PDE4B: variants seen among roughly 807,000 people sequenced by gnomAD.
PDE4B encodes the protein 3',5'-cyclic-AMP phosphodiesterase 4B.
PDE4B carries 20 observed loss-of-function variants against 82.2 expected under a neutral mutation model. The ratio of observed to expected loss-of-function variants is 0.24; its 90% CI spans 0.17 to 0.35. The LOEUF (loss-of-function observed/expected upper bound fraction) is 0.35. Among genes scored for constraint, PDE4B ranks in the 10% least tolerant of loss-of-function variants. The pLI is 1.00. For synonymous variants in PDE4B, 320 were observed against 318.9 expected, an observed-to-expected ratio of 1.00 and a Z score of -0.04; for missense variants, 655 against 907.2, an observed-to-expected ratio of 0.72 and a Z score of 3.57.
At chr1:66,186,735 T>G (rs1383921020) in intron 3 of PDE4B, among the ~76,000 whole-genome samples, 1 of 152,236 alleles carries the variant, frequency 6.6e-6, no homozygotes, top group Admixed American at 6.5e-5. Flanking sequence ...GATTTTGGGC[T>G]GAGACCATGG....
At chr1:66,026,504 G>A (rs2503219) in intron 3 of PDE4B, among the ~76,000 whole-genome samples, 149,374 of 152,308 alleles carry the variant, frequency 0.98, 73,303 homozygotes, top group Middle Eastern at 1. Flanking sequence ...TAACAGGACA[G>A]AAGCATTTAA....
rs189314459 is a variant in PDE4B at position 66,239,313 on chromosome 1, C to T, written c.282-8147C>T. On this transcript the variant is annotated intron_variant, in intron 3 of 16. Coordinates refer to ENST00000341517, the MANE Select transcript of PDE4B (RefSeq NM_002600.4). ...GGCAGAATCAATGCAAAGCCACCCC[C>T]CTCCCTGGCCCTTTATAATGTCTAC... 1.4e-4 allele frequency among the ~76,000 whole-genome samples: 22 copies of T among 152,238 alleles called. No individual in the cohort carries two copies. The South Asian group carries it at 1.5e-3, about 10-fold the overall frequency.
In PDE4B at chr1:66,059,472, T is replaced by C. The variant is rs113159117; in HGVS notation, c.281+140637T>C. ...CTGATAAAGACATACTGGAGACTGG[T>C]CAATTTACAAAAGGAAGAAGTTTAT... is the stretch of plus-strand genomic sequence containing the variant. On this transcript the variant is annotated intron_variant, in intron 3 of 16. Coordinates refer to ENST00000341517, the MANE Select transcript of PDE4B (RefSeq NM_002600.4). 9.9e-3 allele frequency among the ~76,000 whole-genome samples: 1,503 copies of C among 152,268 alleles called. 27 individuals carry two copies. Among genetic ancestry groups the C allele is most frequent in the African/African-American group, 0.034 (1,425 of 41,556 alleles).
At chr1:66,127,322 A>G (rs1208402704) in intron 3 of PDE4B, among the ~76,000 whole-genome samples, 2 of 152,146 alleles carry the variant, frequency 1.3e-5, no homozygotes, top group East Asian at 1.9e-4. Context: ...TTGTAAGTTT[A>G]AACTATTTTC....
intron 3 of PDE4B, among the ~76,000 whole-genome samples, chr1:66,136,386 C>A (rs543822625): frequency 6.6e-6 from 1 of 151,930 alleles, no homozygotes; most frequent in Admixed American, 6.6e-5. Context: ...TTTTTCTTCC[C>A]ACCTTCACCC....
chr1:66,281,774 G>A (rs775113623), intron 7 of PDE4B, among the ~76,000 whole-genome samples: 12 of 152,226 alleles, frequency 7.9e-5, no homozygotes, highest in Non-Finnish European at 1.8e-4. Flanking sequence ...CTCTGCAAAG[G>A]AGATCTGTTT....
chr1:65,847,230 A>G (rs1646277529), intron 1 of PDE4B, among the ~76,000 whole-genome samples: 1 of 152,216 alleles, frequency 6.6e-6, no homozygotes, highest in Non-Finnish European at 1.5e-5. Flanking sequence ...AACATTTTCC[A>G]TGGGCTCATT....
intron 8 of PDE4B, among the ~76,000 whole-genome samples, chr1:66,343,693 G>T (rs1661185769): frequency 6.6e-6 from 1 of 152,182 alleles, no homozygotes; most frequent in African/African-American, 2.4e-5. Context: ...GTTTTTGTCA[G>T]TTGGTGGTAG....
At chr1:66,176,293 A>G (rs1270334264) in intron 3 of PDE4B, among the ~76,000 whole-genome samples, 1 of 152,198 alleles carries the variant, frequency 6.6e-6, no homozygotes, top group Non-Finnish European at 1.5e-5. Flanking sequence ...CCCGCCTACA[A>G]AACCACAGAT....
In PDE4B at chr1:66,373,119, T is replaced by C. The variant is rs1374029114; in HGVS notation, c.*441T>C. 1 of 164,208 alleles carries C rather than the reference T, an allele frequency of 6.1e-6. No homozygotes were observed. The highest frequency in any genetic ancestry group is 5.7e-5 in the Admixed American group (1 of 17,478). 10.2% of individuals were successfully genotyped at this position (164,208 alleles called of 1,614,324 possible). ...ATTTTCATGTCTTTAAAATGCCTGT[T>C]GAATACCTGGAGTTTAGTATCAACT... is the stretch of plus-strand genomic sequence containing the variant. On this transcript the variant is annotated 3_prime_UTR_variant, in exon 17 of 17. Coordinates refer to ENST00000341517, the MANE Select transcript of PDE4B (RefSeq NM_002600.4).
chr1:66,341,239 T>C (rs1660958220), intron 8 of PDE4B, among the ~76,000 whole-genome samples: 1 of 152,210 alleles, frequency 6.6e-6, no homozygotes, highest in Admixed American at 6.5e-5. Flanking sequence ...ATGGCATGAC[T>C]TCTCCAAAGT....
At chr1:66,020,566 T>C (rs1447610212) in intron 3 of PDE4B, among the ~76,000 whole-genome samples, 1 of 152,012 alleles carries the variant, frequency 6.6e-6, no homozygotes, top group African/African-American at 2.4e-5. Flanking sequence ...ACATGTGGTG[T>C]TTGGTTTTCT....
chr1:66,218,982 C>T (rs2101598963), intron 3 of PDE4B, among the ~76,000 whole-genome samples: 1 of 152,194 alleles, frequency 6.6e-6, no homozygotes, highest in Admixed American at 6.5e-5. Context: ...ATTATTTCTG[C>T]CAACAGTATT....
Position 66,371,094 on chromosome 1 carries a change from C to CTATATATATA in PDE4B, c.1846-1188_1846-1179dup, listed in dbSNP as rs557320202. 7.7e-3 allele frequency among the ~76,000 whole-genome samples: 579 copies of CTATATATATA among 74,774 alleles called. 8 individuals are homozygous for CTATATATATA. The highest frequency in any genetic ancestry group is 0.032 in the East Asian group (40 of 1,262). The allele number at this position is 74,774 out of a possible 152,430, so 49.1% of individuals were successfully genotyped here. On this transcript the variant is annotated intron_variant, in intron 16 of 16. Coordinates refer to ENST00000341517, the MANE Select transcript of PDE4B (RefSeq NM_002600.4). ...TATATATATATACACACACATCATA[C>CTATATATATA]TATATATATATATATATATATATAT...
intron 1 of PDE4B, among the ~76,000 whole-genome samples, chr1:65,808,014 C>T (rs1326197300): frequency 1.3e-5 from 2 of 152,012 alleles, no homozygotes; most frequent in African/African-American, 2.4e-5. Context: ...ATAGTGTCTG[C>T]GTGAATACAG....
chr1:65,852,287 T>G (rs1054251344), intron 1 of PDE4B, among the ~76,000 whole-genome samples: 2 of 151,986 alleles, frequency 1.3e-5, no homozygotes, highest in South Asian at 4.1e-4. Context: ...AGGATTGGCA[T>G]TATTTTTTAC....
At chr1:66,205,052 A>G (rs1192348305) in intron 3 of PDE4B, among the ~76,000 whole-genome samples, 1 of 152,212 alleles carries the variant, frequency 6.6e-6, no homozygotes, top group African/African-American at 2.4e-5. Context: ...TGTGACTGAA[A>G]GCATGGCCAT....
At chr1:66,247,385 G>A (rs1407580485) in intron 3 of PDE4B, 75 bp from the exon 4 acceptor site, 36 of 952,668 alleles carry the variant, frequency 3.8e-5, no homozygotes, top group Non-Finnish European at 5.2e-5. Context: ...CCTGCCACAC[G>A]TTGGTTCTCA....
chr1:65,829,702 C>G (rs1473507914), intron 1 of PDE4B, among the ~76,000 whole-genome samples: 13 of 152,068 alleles, frequency 8.5e-5, no homozygotes, highest in African/African-American at 3.1e-4. Flanking sequence ...TAAATAAACT[C>G]AGGGTTTAAC....
Sources: gnomAD v4.1 joint callset for allele counts (sites outside exome capture counted in the v4.1 genomes callset) on GRCh38, gnomAD v4.1.1 for gene constraint, MANE v1.5 for transcripts, NCBI Gene and HGNC (gene_info 2026-07-23, HGNC 2026-07-21) for gene names.